RAB38: variants seen among roughly 807,000 people sequenced by gnomAD.
RAB38 encodes the protein RAB38, member RAS oncogene family, also known as ras-related protein Rab-38.
In RAB38, 15 loss-of-function variants were observed where a neutral mutation model predicts 18.4. The observed-to-expected ratio is 0.82, with a 90% CI of 0.55 to 1.26. The LOEUF (loss-of-function observed/expected upper bound fraction) is 1.26. Ranked by LOEUF, RAB38 falls within the 50% of genes most tolerant of loss-of-function variation. RAB38 has a pLI of 0.00. For missense variants in RAB38, 294 were observed against 267.4 expected, an observed-to-expected ratio of 1.10 and a Z score of -0.69; for synonymous variants, 101 against 104.4, an observed-to-expected ratio of 0.97 and a Z score of 0.20.
chr11:88,143,520 T>C (rs2134816450), intron 2 of RAB38, among the ~76,000 whole-genome samples: 1 of 151,594 alleles, frequency 6.6e-6, no homozygotes, highest in African/African-American at 2.4e-5. Context: ...CCACAGATCA[T>C]AGTTTGCTAA....
chr11:87,903,626 A>G, the RAB38 span, among the ~76,000 whole-genome samples: 1 of 151,354 alleles, frequency 6.6e-6, no homozygotes, highest in African/African-American at 2.4e-5. Context: ...TATTTTGTGT[A>G]AGCTTATTTT....
intron 2 of RAB38, among the ~76,000 whole-genome samples, chr11:88,117,604 T>C (rs1390179777): frequency 1.3e-5 from 2 of 152,192 alleles, no homozygotes; most frequent in Non-Finnish European, 2.9e-5. Context: ...CTGAAAATGC[T>C]TTTGACTATA....
At chr11:87,911,797 A>G in the RAB38 span, among the ~76,000 whole-genome samples, 1 of 151,976 alleles carries the variant, frequency 6.6e-6, no homozygotes, top group South Asian at 2.1e-4. Context: ...TGTGTTTCTT[A>G]TATTAAAGAT....
At chr11:87,943,994 C>T in the RAB38 span, among the ~76,000 whole-genome samples, 1 of 152,244 alleles carries the variant, frequency 6.6e-6, no homozygotes, top group South Asian at 2.1e-4. Context: ...CATATACAGA[C>T]ATACCTTGAA....
At chr11:87,807,113 G>A in the RAB38 span, among the ~76,000 whole-genome samples, 97,437 of 152,040 alleles carry the variant, frequency 0.64, 33,094 homozygotes, top group East Asian at 0.88. Context: ...TGCATAGTCC[G>A]TTTGAGAATC....
chr11:87,904,761 T>A, the RAB38 span, among the ~76,000 whole-genome samples: 1 of 151,802 alleles, frequency 6.6e-6, no homozygotes, highest in Non-Finnish European at 1.5e-5. Context: ...TTTGACTTTT[T>A]AATAACAGCC....
At chr11:87,943,158 G>A in the RAB38 span, among the ~76,000 whole-genome samples, 2 of 152,106 alleles carry the variant, frequency 1.3e-5, no homozygotes, top group Admixed American at 6.6e-5. Context: ...TCAGAATTCA[G>A]CATTTTTCCT....
At chr11:87,843,664 C>G in the RAB38 span, among the ~76,000 whole-genome samples, 3 of 152,148 alleles carry the variant, frequency 2.0e-5, no homozygotes, top group African/African-American at 7.2e-5. Flanking sequence ...ACACTTGAAG[C>G]CTAAATTTGC....
At chr11:88,164,039 A>C in intron 1 of RAB38, among the ~76,000 whole-genome samples, 1 of 152,064 alleles carries the variant, frequency 6.6e-6, no homozygotes, top group Non-Finnish European at 1.5e-5. Context: ...ATAATCAAAT[A>C]AACAACCTAA....
chr11:87,976,274 G>A, the RAB38 span, among the ~76,000 whole-genome samples: 1 of 139,922 alleles, frequency 7.1e-6, no homozygotes, highest in Non-Finnish European at 1.5e-5. Flanking sequence ...GAGAAGGTGT[G>A]TGTATATATA....
chr11:87,809,051 G>C, the RAB38 span, among the ~76,000 whole-genome samples: 1 of 151,458 alleles, frequency 6.6e-6, no homozygotes, highest in African/African-American at 2.4e-5. Context: ...GAGAGAAAAA[G>C]GAACATAGAG....
At chr11:87,933,661 A>G in the RAB38 span, among the ~76,000 whole-genome samples, 2 of 152,020 alleles carry the variant, frequency 1.3e-5, no homozygotes, top group African/African-American at 4.8e-5. Context: ...GCTGGGAATC[A>G]ATTCATACTT....
the RAB38 span, among the ~76,000 whole-genome samples, chr11:87,862,207 C>T: frequency 5.9e-5 from 9 of 152,010 alleles, no homozygotes; most frequent in Admixed American, 2.0e-4. Flanking sequence ...GACACATGCA[C>T]GGATATGTTC....
intron 1 of RAB38, among the ~76,000 whole-genome samples, chr11:88,151,218 G>A (rs1367896281): frequency 6.6e-6 from 1 of 152,188 alleles, no homozygotes; most frequent in East Asian, 1.9e-4. Flanking sequence ...TGTGGATGAA[G>A]TGAATTAATA....
the RAB38 span, among the ~76,000 whole-genome samples, chr11:88,020,191 C>G: frequency 1.3e-5 from 2 of 152,024 alleles, no homozygotes; most frequent in African/African-American, 4.8e-5. Context: ...AATCAAGACC[C>G]AATGATCTCT....
the RAB38 span, among the ~76,000 whole-genome samples, chr11:88,004,152 A>G: frequency 6.7e-6 from 1 of 149,178 alleles, no homozygotes; most frequent in Non-Finnish European, 1.5e-5. Flanking sequence ...AATATTACTT[A>G]TAGAACAATT....
At chr11:87,928,106 G>T in the RAB38 span, among the ~76,000 whole-genome samples, 1 of 151,470 alleles carries the variant, frequency 6.6e-6, no homozygotes, top group African/African-American at 2.4e-5. Flanking sequence ...GACAAGAAAA[G>T]AAAGAAAGAA....
At chr11:87,814,267 C>T in the RAB38 span, among the ~76,000 whole-genome samples, 6 of 151,960 alleles carry the variant, frequency 3.9e-5, no homozygotes, top group Admixed American at 2.0e-4. Context: ...GTGCTATGTC[C>T]GACGAATGAT....
chr11:88,140,058 A>C (rs1170200561), intron 2 of RAB38, among the ~76,000 whole-genome samples: 1 of 152,250 alleles, frequency 6.6e-6, no homozygotes, highest in Non-Finnish European at 1.5e-5. Context: ...AATGACTTGC[A>C]TAATTCGGTG....
Sources: allele counts gnomAD v4.1 joint callset (sites outside exome capture counted in the v4.1 genomes callset), GRCh38; gene constraint gnomAD v4.1.1; transcripts MANE v1.5; gene names NCBI Gene and HGNC (gene_info 2026-07-23, HGNC 2026-07-21).